The following ATP10B variants were observed in gnomAD, a reference collection of about 807,000 sequenced individuals.
The protein encoded by ATP10B is phospholipid-transporting ATPase VB.
Under a neutral mutation model 141.2 loss-of-function variants are expected in ATP10B, and 122 were observed. The observed-to-expected ratio is 0.86, with a 90% CI of 0.75 to 1.00. The LOEUF (loss-of-function observed/expected upper bound fraction) is 1.00. ATP10B is among the 50% of genes least tolerant of loss of function. The pLI is 0.00. For synonymous variants in ATP10B, 685 were observed against 692.0 expected (o/e 0.99, Z 0.16); for missense variants, 1,876 against 1,825.3 (o/e 1.03, Z -0.51).
At chr5:160,761,036 T>C (rs1413403622) in intron 2 of ATP10B, among the ~76,000 whole-genome samples, 3 of 152,036 alleles carry the variant, frequency 2.0e-5, no homozygotes, top group Non-Finnish European at 4.4e-5. Context: ...TAGGGTAAGA[T>C]TATATCCCCC....
At chr5:160,771,819 T>C (rs7719913) in intron 2 of ATP10B, among the ~76,000 whole-genome samples, 23,769 of 152,228 alleles carry the variant, frequency 0.16, 2,687 homozygotes, top group East Asian at 0.42. Context: ...AAGATGGTCC[T>C]CAAGATTCCT....
intron 9 of ATP10B, among the ~76,000 whole-genome samples, chr5:160,641,908 T>A (rs1309811032): frequency 6.6e-6 from 1 of 152,200 alleles, no homozygotes; most frequent in East Asian, 1.9e-4. Context: ...TAGACTCAAG[T>A]TGCTGCAGTT....
chr5:160,680,353 T>C (rs1561744881), intron 6 of ATP10B, among the ~76,000 whole-genome samples: 3 of 152,350 alleles, frequency 2.0e-5, no homozygotes, highest in South Asian at 4.1e-4. Flanking sequence ...ATCTGTCATG[T>C]GTCCTTGATA....
At chr5:160,685,648 A>G (rs1038002478) in intron 6 of ATP10B, among the ~76,000 whole-genome samples, 1 of 152,250 alleles carries the variant, frequency 6.6e-6, no homozygotes, top group Non-Finnish European at 1.5e-5. Context: ...TTAGTCTCCC[A>G]AGATAATCCA....
At chr5:160,587,473 TTGA>T (rs1479624017) in intron 24 of ATP10B, among the ~76,000 whole-genome samples, 1 of 152,254 alleles carries the variant, frequency 6.6e-6, no homozygotes, top group Non-Finnish European at 1.5e-5. Flanking sequence ...GTGAATAATG[TTGA>T]TGGTAGTTTG....
At chr5:160,669,234 G>A (rs1762508519) in intron 7 of ATP10B, among the ~76,000 whole-genome samples, 1 of 152,182 alleles carries the variant, frequency 6.6e-6, no homozygotes, top group African/African-American at 2.4e-5. Context: ...GCCTATGAAA[G>A]CATTGATATT....
At chr5:160,900,844 A>G in the ATP10B span, among the ~76,000 whole-genome samples, 1 of 139,122 alleles carries the variant, frequency 7.2e-6, no homozygotes, top group Non-Finnish European at 1.6e-5. Context: ...CATATTACTC[A>G]TGTCATTGAA....
intron 24 of ATP10B, among the ~76,000 whole-genome samples, chr5:160,583,931 G>A (rs1755714675): frequency 6.6e-6 from 1 of 152,192 alleles, no homozygotes. Context: ...CTCGCAGTGA[G>A]AATTTCAAGC....
intron 13 of ATP10B, among the ~76,000 whole-genome samples, chr5:160,626,636 T>A (rs1758627642): frequency 6.6e-6 from 1 of 152,184 alleles, no homozygotes; most frequent in African/African-American, 2.4e-5. Flanking sequence ...CAACTGGGGA[T>A]CTCATTAAAA....
intron 7 of ATP10B, among the ~76,000 whole-genome samples, chr5:160,661,556 C>T (rs1761910825): frequency 6.6e-6 from 1 of 151,994 alleles, no homozygotes; most frequent in Non-Finnish European, 1.5e-5. Context: ...GGTGGGGAGA[C>T]AGATAAAATA....
chr5:160,729,856 C>T (rs566870072), intron 2 of ATP10B, among the ~76,000 whole-genome samples: 21 of 152,078 alleles, frequency 1.4e-4, no homozygotes, highest in African/African-American at 4.6e-4. Flanking sequence ...GTAATCAGAG[C>T]CCGGACAGCC....
At chr5:160,626,064 T>C (rs1167109064) in intron 13 of ATP10B, among the ~76,000 whole-genome samples, 2 of 152,262 alleles carry the variant, frequency 1.3e-5, no homozygotes, top group East Asian at 3.8e-4. Context: ...TCCAGCCCAC[T>C]GGTTTCCCAT....
chr5:160,674,840 G>C (rs1434294362), intron 6 of ATP10B, among the ~76,000 whole-genome samples: 1 of 152,024 alleles, frequency 6.6e-6, no homozygotes, highest in Non-Finnish European at 1.5e-5. Flanking sequence ...TTTATTTATA[G>C]TAACTAAACT....
rs1231611349 is a variant in ATP10B, at chr5:160,565,873, A to G, written c.3966T>C (p.Thr1322=). The G allele has an allele frequency of 6.2e-7, 1 of 1,611,738 alleles. No homozygotes were observed. The highest frequency in any genetic ancestry group is 1.3e-5 in the African/African-American group (1 of 74,610). ...PRYFFLSLQG[T]CGKSLISKAQ... is the part of the protein sequence containing the mutation. ...CTTTTGAGATTAGAGACTTCCCACA[A>G]GTTCCTTGCAGAGACAGGAAAAAGT... is the stretch of plus-strand genomic sequence containing the variant. Residue 1322 remains threonine (T), a synonymous_variant, in exon 26 of 26, where the codon ACT becomes ACC. Coordinates refer to ENST00000327245, the MANE Select transcript of ATP10B (RefSeq NM_025153.3).
chr5:160,876,657 A>G, the ATP10B span, among the ~76,000 whole-genome samples: 2 of 152,114 alleles, frequency 1.3e-5, no homozygotes, highest in Non-Finnish European at 2.9e-5. Context: ...ATAAAGAAAA[A>G]AGAGAGTAGA....
the ATP10B span, among the ~76,000 whole-genome samples, chr5:160,864,218 A>T: frequency 6.6e-6 from 1 of 152,048 alleles, no homozygotes; most frequent in East Asian, 1.9e-4. Context: ...CAAATCCAAC[A>T]GCATATTACA....
intron 2 of ATP10B, among the ~76,000 whole-genome samples, chr5:160,758,182 A>G (rs1056742194): frequency 3.9e-5 from 6 of 152,176 alleles, no homozygotes; most frequent in African/African-American, 1.4e-4. Flanking sequence ...AACAGTAGCC[A>G]ATGTGACTAT....
chr5:160,611,151 G>A (rs1252450257), intron 18 of ATP10B, among the ~76,000 whole-genome samples: 1 of 152,148 alleles, frequency 6.6e-6, no homozygotes, highest in African/African-American at 2.4e-5. Flanking sequence ...GTGTAGGCAT[G>A]GCTGAGGATT....
chr5:160,869,231 C>A, the ATP10B span, among the ~76,000 whole-genome samples: 1 of 152,120 alleles, frequency 6.6e-6, no homozygotes, highest in Admixed American at 6.5e-5. Context: ...TATTACCACA[C>A]TCTGCCCAAC....
Sources: allele counts gnomAD v4.1 joint callset (sites outside exome capture counted in the v4.1 genomes callset), GRCh38; gene constraint gnomAD v4.1.1; transcripts MANE v1.5; gene names NCBI Gene and HGNC (gene_info 2026-07-23, HGNC 2026-07-21).